DLG2: variants seen among roughly 807,000 people sequenced by gnomAD.
The protein encoded by DLG2 is discs large MAGUK scaffold protein 2.
In DLG2, 45 loss-of-function variants were observed where a neutral mutation model predicts 132.5. That is an observed-to-expected ratio of 0.34 (90% CI 0.27 to 0.44). DLG2 has a LOEUF of 0.44. Among genes scored for constraint, DLG2 ranks in the 20% least tolerant of loss-of-function variants. DLG2 has a pLI of 1.00. For synonymous variants in DLG2, 424 were observed against 419.6 expected (o/e 1.01, Z -0.13); for missense variants, 1,045 against 1,196.9 (o/e 0.87, Z 1.87).
intron 3 of DLG2, among the ~76,000 whole-genome samples, chr11:85,582,063 T>G (rs4015271): frequency 0.23 from 35,375 of 152,104 alleles, 4,961 homozygotes; most frequent in East Asian, 0.4. Flanking sequence ...AGAGGAGACA[T>G]ACACAGGTTG....
At chr11:84,976,171 T>C (rs1389122231) in intron 6 of DLG2, among the ~76,000 whole-genome samples, 1 of 152,322 alleles carries the variant, frequency 6.6e-6, no homozygotes, top group Admixed American at 6.5e-5. Context: ...TTAAACTTGC[T>C]GAAGACTGGA....
chr11:84,958,667 G>C (rs1413478025), intron 6 of DLG2, among the ~76,000 whole-genome samples: 3 of 152,186 alleles, frequency 2.0e-5, no homozygotes. Flanking sequence ...TCATATGACA[G>C]AGTAAACTCT....
intron 11 of DLG2, among the ~76,000 whole-genome samples, chr11:84,031,986 G>A (rs950146066): frequency 2.6e-5 from 4 of 152,090 alleles, no homozygotes; most frequent in African/African-American, 4.8e-5. Context: ...GTTTTGGGGT[G>A]CCACAGAATA....
In DLG2 at chr11:85,003,300, C is replaced by T. The variant is rs145383623; in HGVS notation, c.357+108361G>A. ...GGGAGAATTGAATTGTTATATGGCA[C>T]ACACCGATGACATCCCATGCATTTC... On this transcript the variant is annotated intron_variant, in intron 6 of 27. Transcript: ENST00000376104. Among the ~76,000 whole-genome samples, 368 of 152,106 alleles carry T rather than the reference C, an allele frequency of 2.4e-3. 9 individuals carry two copies. Among genetic ancestry groups the T allele is most frequent in the Admixed American group, 0.015 (224 of 15,278 alleles).
At chr11:84,223,954 C>A (rs1236055148) in intron 8 of DLG2, among the ~76,000 whole-genome samples, 2 of 152,192 alleles carry the variant, frequency 1.3e-5, no homozygotes, top group African/African-American at 4.8e-5. Flanking sequence ...ATTAAGGAAC[C>A]CAGCCTACTT....
intron 6 of DLG2, among the ~76,000 whole-genome samples, chr11:84,838,838 T>C (rs1041626273): frequency 6.6e-6 from 1 of 152,048 alleles, no homozygotes; most frequent in Non-Finnish European, 1.5e-5. Flanking sequence ...TGATGGGACA[T>C]ATATCAAAAT....
chr11:83,843,273 G>A (rs963412735), intron 16 of DLG2, among the ~76,000 whole-genome samples: 5 of 152,144 alleles, frequency 3.3e-5, no homozygotes, highest in Non-Finnish European at 5.9e-5. Context: ...TTGGCTAGAA[G>A]GATGCCTGCC....
chr11:83,584,417 G>A (rs1043411662), intron 19 of DLG2, among the ~76,000 whole-genome samples: 2 of 152,146 alleles, frequency 1.3e-5, no homozygotes, highest in African/African-American at 2.4e-5. Flanking sequence ...AACTCAATCA[G>A]AATACGCTTC....
chr11:84,182,031 C>A (rs35503301), intron 8 of DLG2, among the ~76,000 whole-genome samples: 17,548 of 152,166 alleles, frequency 0.12, 1,760 homozygotes, highest in African/African-American at 0.27. Flanking sequence ...CAACTGATAT[C>A]AAGCACATCC....
At chr11:83,676,609 A>G (rs1384119698) in intron 18 of DLG2, among the ~76,000 whole-genome samples, 1 of 152,204 alleles carries the variant, frequency 6.6e-6, no homozygotes, top group East Asian at 1.9e-4. Context: ...TATCTTCCCA[A>G]CCGCCTGTGA....
At chr11:84,610,867 G>A (rs548368579) in intron 6 of DLG2, among the ~76,000 whole-genome samples, 5 of 151,990 alleles carry the variant, frequency 3.3e-5, no homozygotes, top group East Asian at 3.9e-4. Flanking sequence ...ATTCATACAC[G>A]CTGTTTCCTC....
intron 6 of DLG2, among the ~76,000 whole-genome samples, chr11:84,720,100 G>C (rs1411681805): frequency 6.6e-6 from 1 of 152,122 alleles, no homozygotes. Flanking sequence ...TCACCATTGA[G>C]TTATGAGCCC....
At chr11:83,794,167 G>T (rs2042216767) in intron 17 of DLG2, among the ~76,000 whole-genome samples, 1 of 152,150 alleles carries the variant, frequency 6.6e-6, no homozygotes, top group Admixed American at 6.5e-5. Flanking sequence ...ATGGGCCTCT[G>T]CATTTTTGGA....
intron 3 of DLG2, among the ~76,000 whole-genome samples, chr11:85,555,868 G>T (rs894214718): frequency 3.3e-5 from 5 of 151,772 alleles, no homozygotes; most frequent in African/African-American, 1.2e-4. Context: ...TCCCCTGAAA[G>T]TTATCAACTA....
Position 84,928,982 on chromosome 11 carries a change from G to GTGTATATATA in DLG2, c.357+182678_357+182679insTATATATACA, listed in dbSNP as rs1400906684. 2.2e-3 allele frequency among the ~76,000 whole-genome samples: 106 copies of GTGTATATATA among 49,104 alleles called. 2 individuals are homozygous for GTGTATATATA. The highest frequency in any genetic ancestry group is 2.4e-3 in the Admixed American group (8 of 3,404). 32.2% of individuals were successfully genotyped at this position (49,104 alleles called of 152,430 possible). ...TATGTGTGTGTGTGTGTGTGTGTGT[G>GTGTATATATA]TATATATATATATATATATATATAT... On this transcript the variant is annotated intron_variant, in intron 6 of 27. Transcript: ENST00000376104.
In DLG2 at chr11:84,808,493, G is replaced by C. The variant is rs189844288; in HGVS notation, c.358-273762C>G. On this transcript the variant is annotated intron_variant, in intron 6 of 27. Coordinates refer to ENST00000376104, the MANE Select transcript of DLG2 (RefSeq NM_001142699.3). The stretch of plus-strand genomic sequence containing the variant: ...GCAGAAACAAATGTAATTTAAATCA[G>C]ATAATCAAGAGATAAAATCAATGAA... Among the ~76,000 whole-genome samples, 80 of 152,114 alleles carry C rather than the reference G, an allele frequency of 5.3e-4. 1 individual carries two copies. Among genetic ancestry groups the C allele is most frequent in the Admixed American group, 5.2e-3 (80 of 15,286 alleles).
intron 18 of DLG2, among the ~76,000 whole-genome samples, chr11:83,655,565 T>C (rs753645353): frequency 6.6e-6 from 1 of 152,230 alleles, no homozygotes; most frequent in Non-Finnish European, 1.5e-5. Context: ...CCTGAGAGTT[T>C]ATGTGTATAT....
intron 9 of DLG2, among the ~76,000 whole-genome samples, chr11:84,161,383 A>C (rs1030672365): frequency 3.3e-5 from 5 of 152,196 alleles, no homozygotes; most frequent in Non-Finnish European, 7.3e-5. Flanking sequence ...GTACTAGAAT[A>C]AATGATATGA....
At chr11:84,170,496 G>C (rs547544608) in intron 8 of DLG2, among the ~76,000 whole-genome samples, 1 of 152,260 alleles carries the variant, frequency 6.6e-6, no homozygotes, top group East Asian at 1.9e-4. Flanking sequence ...GATGTCTATA[G>C]ACTGCAGCAG....
Sources: allele counts gnomAD v4.1 joint callset (sites outside exome capture counted in the v4.1 genomes callset), GRCh38; gene constraint gnomAD v4.1.1; transcripts MANE v1.5; gene names NCBI Gene and HGNC (gene_info 2026-07-23, HGNC 2026-07-21).